MRPL48: variants seen among roughly 807,000 people sequenced by gnomAD.
MRPL48 encodes the protein mitochondrial ribosomal protein L48, also known as large ribosomal subunit protein mL48.
A neutral mutation model predicts 32.9 loss-of-function variants in MRPL48; 16 were observed. The observed-to-expected ratio is 0.49, with a 90% CI of 0.33 to 0.74. The LOEUF (loss-of-function observed/expected upper bound fraction) is 0.74, where lower values mean the gene tolerates loss of function less well. Among genes scored for constraint, MRPL48 ranks in the 30% least tolerant of loss-of-function variants. The probability of loss-of-function intolerance (pLI) is 0.02; values close to 1 mark genes in which losing one functional copy is unlikely to be tolerated. For synonymous variants in MRPL48, 94 were observed against 89.2 expected, an observed-to-expected ratio of 1.05 and a Z score of -0.31; for missense variants, 206 against 245.3, an observed-to-expected ratio of 0.84 and a Z score of 1.07.
At chr11:73,817,490 A>G (rs1321592139) in intron 3 of MRPL48, among the ~76,000 whole-genome samples, 1 of 152,210 alleles carries the variant, frequency 6.6e-6, no homozygotes, top group Non-Finnish European at 1.5e-5. Context: ...CCCTTTTTAC[A>G]TACTCATCAA....
Position 73,813,289 on chromosome 11 carries a change from G to A in MRPL48, c.112+4939G>A, listed in dbSNP as rs551303388. ...TAGGTTCAAGTGGTTCTCCTGCCTC[G>A]GCCTCCTGAGTAGTTGGGACTACAG... is the stretch of plus-strand genomic sequence containing the variant. On this transcript the variant is annotated intron_variant, in intron 3 of 7. Transcript: ENST00000310614. Among the ~76,000 whole-genome samples the A allele has an allele frequency of 1.2e-4, 18 of 151,476 alleles. No homozygotes were observed. In the South Asian group the frequency reaches 2.3e-3, roughly 19 times the overall value.
intron 4 of MRPL48, among the ~76,000 whole-genome samples, chr11:73,836,398 C>T (rs1948104663): frequency 6.6e-6 from 1 of 152,058 alleles, no homozygotes; most frequent in South Asian, 2.1e-4. Flanking sequence ...GGGTTTTCAC[C>T]ATGTTGGCCA....
At chr11:73,799,146 G>A (rs1947312216) in intron 1 of MRPL48, among the ~76,000 whole-genome samples, 1 of 152,078 alleles carries the variant, frequency 6.6e-6, no homozygotes, top group African/African-American at 2.4e-5. Flanking sequence ...CTCCTTGTAA[G>A]CTTTGGAATG....
At chr11:73,837,496 T>A (rs1246708833) in intron 4 of MRPL48, among the ~76,000 whole-genome samples, 6 of 152,222 alleles carry the variant, frequency 3.9e-5, no homozygotes, top group Non-Finnish European at 8.8e-5. Context: ...CCAGCAAAGT[T>A]TCTCAGTAAC....
At chr11:73,795,116 G>A (rs148652962) in intron 1 of MRPL48, among the ~76,000 whole-genome samples, 1,570 of 151,218 alleles carry the variant, frequency 0.01, 25 homozygotes, top group African/African-American at 0.036. Flanking sequence ...GGGTCTCACC[G>A]TGTTGCCCAG....
At chr11:73,857,544 T>C (rs1948504810) in intron 5 of MRPL48, among the ~76,000 whole-genome samples, 1 of 150,442 alleles carries the variant, frequency 6.6e-6, no homozygotes, top group Non-Finnish European at 1.5e-5. Flanking sequence ...CCTCCCAAAG[T>C]GCTCACATTA....
intron 1 of MRPL48, among the ~76,000 whole-genome samples, chr11:73,795,655 C>T (rs1176158398): frequency 1.4e-4 from 20 of 147,008 alleles, no homozygotes; most frequent in Non-Finnish European, 2.1e-4. Context: ...TGCAGGCACC[C>T]GCCACCACGC....
intron 5 of MRPL48, among the ~76,000 whole-genome samples, chr11:73,845,549 G>T (rs1948272665): frequency 6.6e-6 from 1 of 152,166 alleles, no homozygotes; most frequent in African/African-American, 2.4e-5. Flanking sequence ...AAGGTGGGAG[G>T]ATCACTTGAT....
chr11:73,844,727 C>T, intron 4 of MRPL48, 80 bp from the exon 5 acceptor site: 5 of 1,437,916 alleles, frequency 3.5e-6, no homozygotes, highest in Non-Finnish European at 4.6e-6. Flanking sequence ...GAAAGATTGA[C>T]TTTTTAAAAT....
intron 3 of MRPL48, among the ~76,000 whole-genome samples, 200 bp downstream of exon 3, chr11:73,808,550 T>C (rs1220862789): frequency 3.3e-5 from 5 of 152,212 alleles, no homozygotes; most frequent in Non-Finnish European, 7.3e-5. Flanking sequence ...TACAGTAAGT[T>C]TGGATTCCAA....
At chr11:73,830,922 G>A (rs959996276) in intron 4 of MRPL48, among the ~76,000 whole-genome samples, 2 of 151,350 alleles carry the variant, frequency 1.3e-5, no homozygotes, top group Admixed American at 6.6e-5. Flanking sequence ...TCACTGTAAT[G>A]TCCGCCTTCC....
chr11:73,823,865 T>A (rs542768897), intron 3 of MRPL48, among the ~76,000 whole-genome samples: 1 of 151,380 alleles, frequency 6.6e-6, no homozygotes, highest in African/African-American at 2.4e-5. Context: ...GACCCCCCTT[T>A]TTTTTTTTGA....
chr11:73,806,952 C>T (rs1441755039), intron 2 of MRPL48, among the ~76,000 whole-genome samples: 1 of 152,096 alleles, frequency 6.6e-6, no homozygotes, highest in Non-Finnish European at 1.5e-5. Flanking sequence ...TCACTGCAAC[C>T]TCTACCATCC....
At chr11:73,788,802 T>C (rs1267838765) in intron 1 of MRPL48, among the ~76,000 whole-genome samples, 4 of 152,220 alleles carry the variant, frequency 2.6e-5, no homozygotes, top group African/African-American at 9.6e-5. Flanking sequence ...TTCCAAAACC[T>C]TATTTAAGTG....
chr11:73,812,601 T>G (rs531223777), intron 3 of MRPL48, among the ~76,000 whole-genome samples: 5 of 151,968 alleles, frequency 3.3e-5, no homozygotes, highest in African/African-American at 9.6e-5. Context: ...CATGGAAAGC[T>G]GAAGTCCCAG....
At chr11:73,818,733 T>G (rs1947719769) in intron 3 of MRPL48, among the ~76,000 whole-genome samples, 1 of 152,212 alleles carries the variant, frequency 6.6e-6, no homozygotes, top group Non-Finnish European at 1.5e-5. Context: ...TTAAAAATGC[T>G]TATCCCATTT....
chr11:73,829,795 C>T (rs1056875311), intron 4 of MRPL48, among the ~76,000 whole-genome samples: 2 of 152,148 alleles, frequency 1.3e-5, no homozygotes, highest in South Asian at 2.1e-4. Context: ...GACAGGTTCT[C>T]GCTCTGTCAC....
chr11:73,841,317 A>G (rs532246901), intron 4 of MRPL48, among the ~76,000 whole-genome samples: 1 of 152,380 alleles, frequency 6.6e-6, no homozygotes, highest in Admixed American at 6.5e-5. Context: ...ATGCATACAT[A>G]TGTTCACTAA....
rs549562700 is a variant in MRPL48, at chr11:73,864,911, C to T, written c.*541C>T. The T allele has an allele frequency of 5.0e-4, 76 of 153,134 alleles. No homozygotes were observed. Among genetic ancestry groups the T allele is most frequent in the Non-Finnish European group, 9.0e-4 (62 of 68,706 alleles). 9.5% of individuals were successfully genotyped at this position (153,134 alleles called of 1,614,324 possible). A position where few individuals can be genotyped will look rare whatever the true frequency, so the allele number is the denominator to read the frequency against. On this transcript the variant is annotated 3_prime_UTR_variant, in exon 8 of 8. Transcript: ENST00000310614. Reference sequence around the variant, plus strand: ...GGTTCACACCATTCTCCTGCCTCAGCCTCCCAAGTAGCTGGGACTGCAGGC... The same window carrying T: ...GGTTCACACCATTCTCCTGCCTCAGTCTCCCAAGTAGCTGGGACTGCAGGC...
Sources: gnomAD v4.1 joint callset for allele counts (sites outside exome capture counted in the v4.1 genomes callset) on GRCh38, gnomAD v4.1.1 for gene constraint, MANE v1.5 for transcripts, NCBI Gene and HGNC (gene_info 2026-07-23, HGNC 2026-07-21) for gene names.